NR3C2: variants seen among roughly 807,000 people sequenced by gnomAD.
The protein encoded by NR3C2 is mineralocorticoid receptor.
A neutral mutation model predicts 86.4 loss-of-function variants in NR3C2; 15 were observed. That is an observed-to-expected ratio of 0.17 (90% CI 0.12 to 0.27). The LOEUF is 0.27. Among genes scored for constraint, NR3C2 ranks in the 10% least tolerant of loss-of-function variants. The pLI, the probability that NR3C2 is intolerant of heterozygous loss-of-function variation, is 1.00. For synonymous variants in NR3C2, 458 were observed against 450.5 expected, an observed-to-expected ratio of 1.02 and a Z score of -0.21; for missense variants, 960 against 1,195.6, an observed-to-expected ratio of 0.80 and a Z score of 2.91.
At chr4:148,185,826 T>C (rs1267172720) in intron 4 of NR3C2, among the ~76,000 whole-genome samples, 1 of 152,234 alleles carries the variant, frequency 6.6e-6, no homozygotes, top group Non-Finnish European at 1.5e-5. Context: ...GTTCCCTTTA[T>C]TTTTATTAAT....
chr4:148,420,197 A>T (rs1483002914), intron 2 of NR3C2, among the ~76,000 whole-genome samples: 1 of 152,220 alleles, frequency 6.6e-6, no homozygotes, highest in Non-Finnish European at 1.5e-5. Flanking sequence ...GCCCAGAGTG[A>T]CGCTGGCCAG....
At chr4:148,143,947 C>CAAA (rs67177081) in intron 6 of NR3C2, among the ~76,000 whole-genome samples, 862 of 63,720 alleles carry the variant, frequency 0.014, 46 homozygotes, top group African/African-American at 0.05. Flanking sequence ...AACTCTGTCT[C>CAAA]AAAAAAAAAA....
chr4:148,250,958 G>C (rs76379982), intron 3 of NR3C2, among the ~76,000 whole-genome samples: 4,588 of 151,582 alleles, frequency 0.03, 259 homozygotes, highest in African/African-American at 0.1. Flanking sequence ...CTTTTTTTTG[G>C]GGGGGAGTGG....
chr4:148,284,259 T>G (rs11731398), intron 2 of NR3C2, among the ~76,000 whole-genome samples: 8,249 of 152,134 alleles, frequency 0.054, 269 homozygotes, highest in African/African-American at 0.1. Context: ...ATTCAAAAAT[T>G]AGAAGGCCAA....
upstream of NR3C2, chr4:148,442,949 C>G: frequency 1.0e-6 from 1 of 985,310 alleles, no homozygotes; most frequent in Non-Finnish European, 1.2e-6. Context: ...CGCTCTCCAC[C>G]TGCAGCTCCA....
intron 3 of NR3C2, among the ~76,000 whole-genome samples, chr4:148,251,607 A>G (rs1739583596): frequency 6.6e-6 from 1 of 152,230 alleles, no homozygotes; most frequent in South Asian, 2.1e-4. Flanking sequence ...TGAGCCTGAT[A>G]GGCTACATCT....
chr4:148,232,423 A>G (rs1738513655), intron 3 of NR3C2, among the ~76,000 whole-genome samples: 1 of 152,192 alleles, frequency 6.6e-6, no homozygotes, highest in African/African-American at 2.4e-5. Flanking sequence ...ATATTTTGAA[A>G]AATATCTTTT....
At chr4:148,247,371 C>A (rs1321043264) in intron 3 of NR3C2, among the ~76,000 whole-genome samples, 1 of 152,164 alleles carries the variant, frequency 6.6e-6, no homozygotes, top group African/African-American at 2.4e-5. Flanking sequence ...AAGAAACTAG[C>A]TACCCGTATC....
chr4:148,217,411 G>C (rs1380985016), intron 3 of NR3C2, among the ~76,000 whole-genome samples: 1 of 152,194 alleles, frequency 6.6e-6, no homozygotes, highest in Non-Finnish European at 1.5e-5. Context: ...TTACACCTCA[G>C]AGATTTTCAG....
intron 6 of NR3C2, among the ~76,000 whole-genome samples, chr4:148,123,382 T>C (rs1006138191): frequency 6.6e-6 from 1 of 152,236 alleles, no homozygotes; most frequent in African/African-American, 2.4e-5. Context: ...GTACCCTTAT[T>C]GGTAGTTCTG....
At chr4:148,083,536 C>A (rs981941681) in intron 8 of NR3C2, among the ~76,000 whole-genome samples, 1 of 152,140 alleles carries the variant, frequency 6.6e-6, no homozygotes. Context: ...CTGAAGGCCA[C>A]CAACATCAAA....
At chr4:148,332,136 A>G (rs978815297) in intron 2 of NR3C2, among the ~76,000 whole-genome samples, 1 of 152,230 alleles carries the variant, frequency 6.6e-6, no homozygotes, top group Non-Finnish European at 1.5e-5. Flanking sequence ...TAATCAACAC[A>G]CTAAAAATCA....
At chr4:148,307,448 T>C (rs117403350) in intron 2 of NR3C2, among the ~76,000 whole-genome samples, 207 of 152,284 alleles carry the variant, frequency 1.4e-3, no homozygotes, top group East Asian at 9.5e-3. Flanking sequence ...CAAACGAGAT[T>C]TGTAGGCTCC....
At position 148,382,795 on chromosome 4, in the gene NR3C2, GA is replaced by G. The variant is rs540799728; in HGVS notation, c.1757+52308del. ...TGTCAACTAAGAGATCTGTTTTGGA[GA>G]AAAGAGTAAAGTAAAAGTCACTTTG... On this transcript the variant is annotated intron_variant, in intron 2 of 8. Coordinates refer to ENST00000358102, the MANE Select transcript of NR3C2 (RefSeq NM_000901.5). 1.1e-3 allele frequency among the ~76,000 whole-genome samples: 170 copies of G among 152,282 alleles called. 1 individual carries two copies. The highest frequency in any genetic ancestry group is 3.0e-3 in the Admixed American group (46 of 15,302).
chr4:148,091,113 A>G (rs746079426), intron 8 of NR3C2, among the ~76,000 whole-genome samples: 12 of 152,276 alleles, frequency 7.9e-5, no homozygotes, highest in Non-Finnish European at 1.6e-4. Context: ...TGGCGGCCAC[A>G]GAAGCCCATC....
At chr4:148,345,872 G>T (rs1475660213) in intron 2 of NR3C2, among the ~76,000 whole-genome samples, 1 of 152,078 alleles carries the variant, frequency 6.6e-6, no homozygotes, top group African/African-American at 2.4e-5. Context: ...CCTTCTCAGA[G>T]GTTATAGCCC....
At chr4:148,240,444 G>A (rs867780698) in intron 3 of NR3C2, among the ~76,000 whole-genome samples, 26 of 151,900 alleles carry the variant, frequency 1.7e-4, no homozygotes, top group South Asian at 6.2e-4. Flanking sequence ...CATTCCACCC[G>A]CCTTATATCA....
intron 2 of NR3C2, among the ~76,000 whole-genome samples, chr4:148,365,214 GC>G (rs1244099948): frequency 6.6e-6 from 1 of 152,210 alleles, no homozygotes; most frequent in Non-Finnish European, 1.5e-5. Context: ...GGCTAGGAAA[GC>G]CTTTCTTCCC....
chr4:148,087,435 C>T (rs554384262), intron 8 of NR3C2, among the ~76,000 whole-genome samples: 1 of 152,252 alleles, frequency 6.6e-6, no homozygotes, highest in South Asian at 2.1e-4. Context: ...GCCCGCATAG[C>T]CAAGATAATC....
Sources: gnomAD v4.1 joint callset for allele counts (sites outside exome capture counted in the v4.1 genomes callset) on GRCh38, gnomAD v4.1.1 for gene constraint, MANE v1.5 for transcripts, NCBI Gene and HGNC (gene_info 2026-07-23, HGNC 2026-07-21) for gene names.